PTPRT: variants seen among roughly 807,000 people sequenced by gnomAD.
The protein encoded by PTPRT is protein tyrosine phosphatase receptor type T.
Under a neutral mutation model 176.8 loss-of-function variants are expected in PTPRT, and 56 were observed. That is an observed-to-expected ratio of 0.32 (90% CI 0.26 to 0.40). PTPRT has a LOEUF of 0.40. Ranked by LOEUF, PTPRT falls within the 10% of genes least tolerant of loss-of-function variation. PTPRT has a pLI of 1.00. For synonymous variants in PTPRT, 783 were observed against 739.0 expected (o/e 1.06, Z -0.96); for missense variants, 1,540 against 1,908.2 (o/e 0.81, Z 3.60).
chr20:42,068,037 G>T (rs1004576701), downstream of PTPRT, among the ~76,000 whole-genome samples: 6 of 152,150 alleles, frequency 3.9e-5, no homozygotes, highest in Admixed American at 2.0e-4. Flanking sequence ...TTGAAAAGTC[G>T]CATGAAATAC....
rs1388875357 is a variant in PTPRT at position 42,815,684 on chromosome 20, T to C, written c.215-24218A>G. 2.0e-5 allele frequency among the ~76,000 whole-genome samples: 3 copies of C among 152,130 alleles called. No homozygotes were observed. In the East Asian group the frequency reaches 5.8e-4, roughly 29 times the overall value. On this transcript the variant is annotated intron_variant, in intron 2 of 30. Coordinates refer to ENST00000373187, the MANE Select transcript of PTPRT (RefSeq NM_007050.6). ...GTCTTCTAGGGCCTCTCTGAAATGA[T>C]CATAAGTGGATTTTTAAAAGTGTTT... is the stretch of plus-strand genomic sequence containing the variant.
rs906757220 is a variant in PTPRT, at chr20:43,168,395, G to A, written c.88+21251C>T. The stretch of plus-strand genomic sequence containing the variant: ...ATCAGGAATGCAGTGAGATGGTTCT[G>A]AGCCATGGACTTTCCCAGACCATTT... On this transcript the variant is annotated intron_variant, in intron 1 of 30. Coordinates refer to ENST00000373187, the MANE Select transcript of PTPRT (RefSeq NM_007050.6). Among the ~76,000 whole-genome samples the A allele has an allele frequency of 3.3e-5, 5 of 152,276 alleles. 1 individual carries two copies. The highest frequency in any genetic ancestry group is 1.9e-4 in the East Asian group (1 of 5,178).
intron 16 of PTPRT, among the ~76,000 whole-genome samples, chr20:42,170,465 G>C (rs1256405433): frequency 6.6e-6 from 1 of 152,154 alleles, no homozygotes; most frequent in Admixed American, 6.5e-5. Context: ...TCCCAAAATA[G>C]ATCAAGTTAA....
intron 7 of PTPRT, among the ~76,000 whole-genome samples, chr20:42,494,146 C>A (rs185382137): frequency 1.5e-3 from 227 of 152,208 alleles, no homozygotes; most frequent in African/African-American, 4.9e-3. Flanking sequence ...TCATGTTAAG[C>A]TGCACTAAAT....
chr20:42,652,446 T>C (rs1348551057), intron 7 of PTPRT, among the ~76,000 whole-genome samples: 1 of 152,058 alleles, frequency 6.6e-6, no homozygotes, highest in African/African-American at 2.4e-5. Context: ...AAGCAGGGTG[T>C]TGTAACTTTC....
chr20:42,741,763 G>A (rs1222287516), intron 6 of PTPRT, among the ~76,000 whole-genome samples: 1 of 152,078 alleles, frequency 6.6e-6, no homozygotes, highest in Non-Finnish European at 1.5e-5. Flanking sequence ...TGGTAGCTTG[G>A]AGTTGGGGTG....
intron 14 of PTPRT, among the ~76,000 whole-genome samples, chr20:42,247,017 T>C (rs541146459): frequency 2.0e-5 from 3 of 152,334 alleles, no homozygotes; most frequent in East Asian, 1.9e-4. Context: ...AATGTGGCCA[T>C]GTGTTATCAG....
chr20:42,874,949 C>T (rs1367496334), intron 2 of PTPRT, among the ~76,000 whole-genome samples: 3 of 152,260 alleles, frequency 2.0e-5, no homozygotes, highest in Admixed American at 6.5e-5. Context: ...AGGGCAATGG[C>T]GCAGTCTCAG....
At chr20:42,584,594 T>G (rs1442976630) in intron 7 of PTPRT, among the ~76,000 whole-genome samples, 1 of 152,180 alleles carries the variant, frequency 6.6e-6, no homozygotes, top group Non-Finnish European at 1.5e-5. Flanking sequence ...CTCTCTCTCC[T>G]TATCATGCTT....
chr20:42,076,816 G>GT lies in PTPRT; in HGVS notation c.*4062dup, dbSNP rs932494673. The GT allele has an allele frequency of 9.9e-6, 2 of 201,452 alleles. No individual in the cohort carries two copies. Among genetic ancestry groups the GT allele is most frequent in the Admixed American group, 6.0e-5 (1 of 16,628 alleles). The allele number at this position is 201,452 out of a possible 1,614,324, so 12.5% of individuals were successfully genotyped here. Reference sequence around the variant, plus strand: ...GTGGAATGCAAATTTTGCATGAATTGTGAACGTAAAACATGAGACTATGAA... The same window carrying GT: ...GTGGAATGCAAATTTTGCATGAATTGTTGAACGTAAAACATGAGACTATGAA... On this transcript the variant is annotated 3_prime_UTR_variant, in exon 31 of 31. Transcript: ENST00000373187.
intron 2 of PTPRT, among the ~76,000 whole-genome samples, chr20:42,848,391 C>A (rs193204536): frequency 4.3e-4 from 65 of 152,298 alleles, no homozygotes; most frequent in Non-Finnish European, 7.8e-4. Flanking sequence ...CTTTAAGGAA[C>A]CTCCACACTG....
chr20:42,945,224 A>G lies in PTPRT; in HGVS notation c.89-59292T>C, dbSNP rs972274886. Among the ~76,000 whole-genome samples the G allele has an allele frequency of 5.3e-5, 8 of 151,944 alleles. 1 individual carries two copies. The highest frequency in any genetic ancestry group is 2.6e-4 in the Admixed American group (4 of 15,250). Reference sequence around the variant, plus strand: ...GTATGTATGTATGTATTTATCTACAATGATCTAGGCCTCACCGGTTCCATT... The same window carrying G: ...GTATGTATGTATGTATTTATCTACAGTGATCTAGGCCTCACCGGTTCCATT... On this transcript the variant is annotated intron_variant, in intron 1 of 30. Coordinates refer to ENST00000373187, the MANE Select transcript of PTPRT (RefSeq NM_007050.6).
At chr20:42,294,865 A>G (rs1001764861) in intron 12 of PTPRT, among the ~76,000 whole-genome samples, 2 of 152,122 alleles carry the variant, frequency 1.3e-5, no homozygotes, top group Admixed American at 6.5e-5. Flanking sequence ...AGATTAAATT[A>G]CCAGATGTCA....
chr20:42,916,737 GT>G (rs1354187911), intron 1 of PTPRT, among the ~76,000 whole-genome samples: 2 of 152,030 alleles, frequency 1.3e-5, no homozygotes, highest in African/African-American at 2.4e-5. Flanking sequence ...ATTTTTTCAT[GT>G]TTTTTTTGAT....
At chr20:43,057,493 G>T (rs1987293334) in intron 1 of PTPRT, among the ~76,000 whole-genome samples, 1 of 151,572 alleles carries the variant, frequency 6.6e-6, no homozygotes, top group African/African-American at 2.4e-5. Context: ...TGAAAGGGAA[G>T]AAAAAAACTA....
intron 12 of PTPRT, among the ~76,000 whole-genome samples, chr20:42,292,628 T>G (rs950119789): frequency 2.6e-5 from 4 of 152,188 alleles, no homozygotes; most frequent in Non-Finnish European, 4.4e-5. Context: ...CTGAGGTGTC[T>G]GTAAGGCAAA....
intron 7 of PTPRT, among the ~76,000 whole-genome samples, chr20:42,556,805 T>C (rs975844765): frequency 3.9e-5 from 6 of 152,154 alleles, no homozygotes; most frequent in African/African-American, 1.2e-4. Flanking sequence ...CATTATTGCT[T>C]AGTCAATTCA....
In PTPRT at chr20:42,750,798, T is replaced by G. The variant is rs1040129807; in HGVS notation, c.859+5664A>C. Reference sequence around the variant, plus strand: ...GTCCTTGAGGCCAGCTAAGACACCTTGAAATTGAAGACACTCAGAAAACCA... The same window carrying G: ...GTCCTTGAGGCCAGCTAAGACACCTGGAAATTGAAGACACTCAGAAAACCA... On this transcript the variant is annotated intron_variant, in intron 6 of 30. Transcript: ENST00000373187. Among the ~76,000 whole-genome samples the G allele has an allele frequency of 2.6e-5, 4 of 152,242 alleles. No individual in the cohort carries two copies. In the South Asian group the frequency reaches 8.3e-4, roughly 32 times the overall value.
At chr20:42,598,793 C>T (rs946040865) in intron 7 of PTPRT, among the ~76,000 whole-genome samples, 5 of 152,138 alleles carry the variant, frequency 3.3e-5, no homozygotes, top group Non-Finnish European at 5.9e-5. Context: ...CCTCCCATGG[C>T]TTAACAGTGC....
Sources: allele counts gnomAD v4.1 joint callset (sites outside exome capture counted in the v4.1 genomes callset), GRCh38; gene constraint gnomAD v4.1.1; transcripts MANE v1.5; gene names NCBI Gene and HGNC (gene_info 2026-07-23, HGNC 2026-07-21).